The following LUZP1 variants were observed in gnomAD, a reference collection of about 807,000 sequenced individuals.
The protein encoded by LUZP1 is filamin mechanobinding actin cross-linking protein.
In LUZP1, 25 loss-of-function variants were observed where a neutral mutation model predicts 71.3. The ratio of observed to expected loss-of-function variants is 0.35; its 90% confidence interval spans 0.26 to 0.49. The LOEUF is 0.49. Among genes scored for constraint, LUZP1 ranks in the 20% least tolerant of loss-of-function variants. The pLI, the probability that LUZP1 is intolerant of heterozygous loss-of-function variation, is 0.99. For synonymous variants in LUZP1, 481 were observed against 506.4 expected (o/e 0.95, Z 0.67); for missense variants, 1,142 against 1,300.8 (o/e 0.88, Z 1.88).
intron 2 of LUZP1, among the ~76,000 whole-genome samples, chr1:23,109,873 A>AT (rs1265072463): frequency 6.6e-6 from 1 of 152,212 alleles, no homozygotes; most frequent in African/African-American, 2.4e-5. Context: ...GAAGGAAACT[A>AT]AAACTTAGAA....
At chr1:23,102,541 C>T (rs1195840474) in intron 3 of LUZP1, among the ~76,000 whole-genome samples, 3 of 152,120 alleles carry the variant, frequency 2.0e-5, no homozygotes, top group Non-Finnish European at 2.9e-5. Flanking sequence ...ATATTTTAGG[C>T]TTTATAGGAT....
At position 23,116,567 on chromosome 1, in the gene LUZP1, A is replaced by G. The variant is rs375572187; in HGVS notation, c.-225-7440T>C. ...CCAAATCAGAAGGTGTAAAAAAGTA[A>G]AAGACCACTGGACTGTTAAAAAAAA... is the stretch of plus-strand genomic sequence containing the variant. On this transcript the variant is annotated intron_variant, in intron 2 of 4. Transcript: ENST00000302291. 3.2e-4 allele frequency among the ~76,000 whole-genome samples: 49 copies of G among 150,880 alleles called. No individual in the cohort carries two copies. The East Asian group carries it at 8.2e-3, about 25-fold the overall frequency.
chr1:23,094,473 G>T lies in LUZP1; in HGVS notation c.-119-93C>A, dbSNP rs1643882687. On this transcript the variant is annotated intron_variant, in intron 3 of 4. Coordinates refer to ENST00000302291, the Ensembl canonical transcript of LUZP1. The surrounding 1 kb of genome is among the most constrained non-coding windows in gnomAD (Gnocchi z 4.7). ...AGAAAAGTGCTCCTATCTGTTCCTG[G>T]TGCCTGGATCATAGCAGGGGCTCAA... is the stretch of plus-strand genomic sequence containing the variant. The T allele has an allele frequency of 2.2e-6, 2 of 906,492 alleles. No individual in the cohort carries two copies. Among genetic ancestry groups the T allele is most frequent in the Admixed American group, 3.8e-5 (1 of 26,510 alleles). 56.2% of individuals were successfully genotyped at this position (906,492 alleles called of 1,614,324 possible). A position where few individuals can be genotyped will look rare whatever the true frequency, so the allele number is the denominator to read the frequency against.
At chr1:23,150,127 G>C (rs1002940147) in intron 2 of LUZP1, among the ~76,000 whole-genome samples, 1 of 152,100 alleles carries the variant, frequency 6.6e-6, no homozygotes, top group African/African-American at 2.4e-5. Flanking sequence ...AGATGGAAGA[G>C]AGAAAGATAA....
At chr1:23,099,756 T>C (rs187319051) in intron 3 of LUZP1, among the ~76,000 whole-genome samples, 2 of 152,328 alleles carry the variant, frequency 1.3e-5, no homozygotes, top group Admixed American at 1.3e-4. Context: ...CCAGTAAATA[T>C]GTAGCAAATA....
At chr1:23,167,386 GTCCAGAGAGTATTTTCTCC>G (rs923666171) in intron 2 of LUZP1, among the ~76,000 whole-genome samples, 5 of 152,154 alleles carry the variant, frequency 3.3e-5, no homozygotes, top group Non-Finnish European at 4.4e-5. Context: ...AGGCAGGGAG[GTCCAGAGAGTATTTTCTCC>G]TCCAACGACA....
chr1:23,120,335 C>T (rs889335809), intron 2 of LUZP1, among the ~76,000 whole-genome samples: 4 of 152,122 alleles, frequency 2.6e-5, no homozygotes, highest in East Asian at 1.9e-4. Context: ...ATGCCTCCTA[C>T]GCTCTAAATA....
At chr1:23,097,259 ACAT>A in intron 3 of LUZP1, among the ~76,000 whole-genome samples, 1 of 152,312 alleles carries the variant, frequency 6.6e-6, no homozygotes, top group Middle Eastern at 3.4e-3. Context: ...GGAAGCAAAA[ACAT>A]CCCAAACACA....
chr1:23,108,338 GTGGCTCATGCC>G (rs1331671649), intron 3 of LUZP1, among the ~76,000 whole-genome samples: 1 of 152,222 alleles, frequency 6.6e-6, no homozygotes, highest in Non-Finnish European at 1.5e-5. Flanking sequence ...CACTAGGGTG[GTGGCTCATGCC>G]TGTAATCCCA....
At position 23,157,818 on chromosome 1, in the gene LUZP1, AAAT is replaced by A. The variant is rs1449378839; in HGVS notation, c.-226+10945_-226+10947del. Reference sequence around the variant, plus strand: ...AACAAAACAAAACAAAACAAAACAAAAATAATACATAAATCTTGCCCCTACCAA... The same window carrying A: ...AACAAAACAAAACAAAACAAAACAAAAATACATAAATCTTGCCCCTACCAA... On this transcript the variant is annotated intron_variant, in intron 2 of 4. Transcript: ENST00000302291. 2.0e-5 allele frequency among the ~76,000 whole-genome samples: 3 copies of A among 149,230 alleles called. No homozygotes were observed. The East Asian group carries it at 5.9e-4, about 29-fold the overall frequency.
chr1:23,154,709 A>ATTTT lies in LUZP1; in HGVS notation c.-226+14053_-226+14056dup, dbSNP rs1191570803. 7.6e-3 allele frequency among the ~76,000 whole-genome samples: 955 copies of ATTTT among 125,546 alleles called. 20 individuals are homozygous for ATTTT. Among genetic ancestry groups the ATTTT allele is most frequent in the African/African-American group, 0.016 (525 of 31,986 alleles). 82.4% of individuals were successfully genotyped at this position (125,546 alleles called of 152,430 possible). ...AGGCGCCTGCCACCACACCTGGCTA[A>ATTTT]TTTTTTTTTTTTTTTTTTGTATTTT... On this transcript the variant is annotated intron_variant, in intron 2 of 4. Coordinates refer to ENST00000302291, the Ensembl canonical transcript of LUZP1.
At chr1:23,155,142 A>C (rs1049152021) in intron 2 of LUZP1, among the ~76,000 whole-genome samples, 4 of 152,220 alleles carry the variant, frequency 2.6e-5, no homozygotes, top group African/African-American at 7.2e-5. Context: ...TTCCTGATTT[A>C]AATCTACCAG....
rs532463076 is a variant in LUZP1 at position 23,131,740 on chromosome 1, C to T, written c.-225-22613G>A. Among the ~76,000 whole-genome samples, 5 of 152,248 alleles carry T rather than the reference C, an allele frequency of 3.3e-5. No individual in the cohort carries two copies. The East Asian group carries it at 9.6e-4, about 29-fold the overall frequency. On this transcript the variant is annotated intron_variant, in intron 2 of 4. Transcript: ENST00000302291. ...TCACCCTCTCACCCAGGCTGGAGTACAGTGGCGTGATCTCGGCTCACCGCA... is the reference window on the plus strand; with the variant it reads ...TCACCCTCTCACCCAGGCTGGAGTATAGTGGCGTGATCTCGGCTCACCGCA...
At chr1:23,111,199 CAAAAA>C (rs56805419) in intron 2 of LUZP1, among the ~76,000 whole-genome samples, 4 of 96,260 alleles carry the variant, frequency 4.2e-5, no homozygotes, top group Admixed American at 1.1e-4. Context: ...GACGCTGTCT[CAAAAA>C]AAAAAAAAAA....
intron 2 of LUZP1, among the ~76,000 whole-genome samples, chr1:23,165,925 G>C (rs1644506109): frequency 6.6e-6 from 1 of 151,184 alleles, no homozygotes; most frequent in Admixed American, 6.6e-5. Context: ...TGAAATATAT[G>C]ATCACTTAGG....
chr1:23,163,169 G>C (rs1644482193), intron 2 of LUZP1, among the ~76,000 whole-genome samples: 1 of 145,734 alleles, frequency 6.9e-6, no homozygotes, highest in African/African-American at 2.6e-5. Context: ...GAACCCGGGA[G>C]GTGGAAGTTG....
intron 2 of LUZP1, among the ~76,000 whole-genome samples, chr1:23,168,198 G>A (rs1644526084): frequency 8.2e-6 from 1 of 122,310 alleles, no homozygotes; most frequent in African/African-American, 3.1e-5. Flanking sequence ...AGCTGGCCCC[G>A]CACGCCGGCC....
intron 2 of LUZP1, among the ~76,000 whole-genome samples, chr1:23,143,150 A>G (rs1644318321): frequency 6.6e-6 from 1 of 151,936 alleles, no homozygotes; most frequent in Non-Finnish European, 1.5e-5. Context: ...CTGGGATTTC[A>G]GGTACCTGCC....
intron 1 of LUZP1, among the ~76,000 whole-genome samples, chr1:23,173,350 C>CTTTTTTTTTT (rs869169060): frequency 7.5e-5 from 6 of 80,366 alleles, no homozygotes; most frequent in African/African-American, 9.7e-5. Flanking sequence ...TTTGTTTTTT[C>CTTTTTTTTTT]TTTTTTTTTT....
Sources: allele counts gnomAD v4.1 joint callset (sites outside exome capture counted in the v4.1 genomes callset), GRCh38; gene constraint gnomAD v4.1.1; non-coding constraint Gnocchi (gnomAD v3.1); transcripts MANE v1.5; gene names NCBI Gene and HGNC (gene_info 2026-07-23, HGNC 2026-07-21).